AFMID: variants seen among roughly 807,000 people sequenced by gnomAD.
AFMID encodes the protein kynurenine formamidase.
AFMID carries 39 observed loss-of-function variants against 47.5 expected under a neutral mutation model. The ratio of observed to expected loss-of-function variants is 0.82; its 90% CI spans 0.64 to 1.07. The LOEUF is 1.07. Among genes scored for constraint, AFMID ranks in the 50% least tolerant of loss-of-function variants. The probability of loss-of-function intolerance (pLI) is 0.00; values close to 1 mark genes in which losing one functional copy is unlikely to be tolerated. For synonymous variants in AFMID, 130 were observed against 153.2 expected, an observed-to-expected ratio of 0.85 and a Z score of 1.12; for missense variants, 375 against 387.5, an observed-to-expected ratio of 0.97 and a Z score of 0.27.
In AFMID at chr17:78,205,200, G is replaced by A. The variant is rs2076346564; in HGVS notation, c.565+10G>A. The A allele has an allele frequency of 6.2e-7, 1 of 1,607,336 alleles. No homozygotes were observed. The highest frequency in any genetic ancestry group is 8.5e-7 in the Non-Finnish European group (1 of 1,176,748). ...ACGCCCAACCTCAGAGGTTTCCATGGGAGCTACAGCCTGGCTGGGCAACCT... is the reference window on the plus strand; with the variant it reads ...ACGCCCAACCTCAGAGGTTTCCATGAGAGCTACAGCCTGGCTGGGCAACCT... On this transcript the variant is annotated intron_variant, in intron 7 of 10. Coordinates refer to ENST00000409257, the MANE Select transcript of AFMID (RefSeq NM_001010982.5).
chr17:78,196,100 A>G (rs1217183688), intron 2 of AFMID, among the ~76,000 whole-genome samples: 1 of 152,202 alleles, frequency 6.6e-6, no homozygotes, highest in Non-Finnish European at 1.5e-5. Context: ...TCCATGGCTC[A>G]TCCCTGTAAT....
chr17:78,187,565 C>A, intron 1 of AFMID, 132 bp downstream of exon 1: 1 of 862,550 alleles, frequency 1.2e-6, no homozygotes, highest in East Asian at 2.6e-5. Context: ...TAGTGCGTGC[C>A]AGGTCCCCAG....
chr17:78,188,832 C>T (rs2075879451), intron 1 of AFMID, among the ~76,000 whole-genome samples: 1 of 152,142 alleles, frequency 6.6e-6, no homozygotes, highest in Non-Finnish European at 1.5e-5. Flanking sequence ...CTCCTGACCT[C>T]ATGATCCGCC....
chr17:78,199,724 G>T (rs2076201702), intron 2 of AFMID, among the ~76,000 whole-genome samples: 1 of 152,152 alleles, frequency 6.6e-6, no homozygotes. Flanking sequence ...GGGACCAGGG[G>T]GCCTCCAGGG....
At chr17:78,197,333 G>C in intron 2 of AFMID, 1 of 854,874 alleles carries the variant, frequency 1.2e-6, no homozygotes, top group South Asian at 1.7e-5. Flanking sequence ...ACCCCTGAGA[G>C]TGCGTCCTAC....
At chr17:78,196,092 C>T (rs1194702431) in intron 2 of AFMID, among the ~76,000 whole-genome samples, 1 of 152,170 alleles carries the variant, frequency 6.6e-6, no homozygotes, top group Non-Finnish European at 1.5e-5. Context: ...GGCTGGGCTC[C>T]ATGGCTCATC....
At chr17:78,190,934 GA>G (rs1567842232) in intron 1 of AFMID, 35 bp from the exon 2 acceptor site, 1 of 1,598,780 alleles carries the variant, frequency 6.3e-7, no homozygotes, top group South Asian at 1.1e-5. Context: ...TGTTGAGAAG[GA>G]AAGTCTTACG....
intron 2 of AFMID, among the ~76,000 whole-genome samples, chr17:78,191,331 C>T (rs2075963294): frequency 6.6e-6 from 1 of 152,106 alleles, no homozygotes; most frequent in Non-Finnish European, 1.5e-5. Context: ...ATACCCAGGC[C>T]CGTAAGGCTG....
chr17:78,201,738 CT>C (rs768630209), intron 2 of AFMID, among the ~76,000 whole-genome samples: 7 of 149,296 alleles, frequency 4.7e-5, no homozygotes, highest in African/African-American at 7.4e-5. Context: ...GACTGGCAGT[CT>C]TTTTTTTTTG....
chr17:78,202,125 T>C (rs1039912099), intron 2 of AFMID, among the ~76,000 whole-genome samples: 2 of 151,372 alleles, frequency 1.3e-5, no homozygotes, highest in African/African-American at 4.9e-5. Context: ...TGAGCTGAAA[T>C]AGAAATTGCC....
In AFMID at chr17:78,202,807, G is replaced by T; in HGVS notation, c.308+56G>T. 4 of 1,546,572 alleles carry T rather than the reference G, an allele frequency of 2.6e-6. No homozygotes were observed. In the South Asian group the frequency reaches 3.6e-5, roughly 14 times the overall value. On this transcript the variant is annotated intron_variant, in intron 4 of 10. Coordinates refer to ENST00000409257, the MANE Select transcript of AFMID (RefSeq NM_001010982.5). ...AAGAGAGATTCCACTTTCCCTGGGGGACTCCTCCTCCAGGGCTGCCGCAAC... is the reference window on the plus strand; with the variant it reads ...AAGAGAGATTCCACTTTCCCTGGGGTACTCCTCCTCCAGGGCTGCCGCAAC...
intron 2 of AFMID, among the ~76,000 whole-genome samples, chr17:78,194,860 G>A (rs138756078): frequency 0.21 from 31,380 of 151,846 alleles, 3,628 homozygotes; most frequent in Non-Finnish European, 0.26. Flanking sequence ...ACGCCTGGCT[G>A]ATTTTTTATT....
intron 2 of AFMID, 131 bp downstream of exon 2, chr17:78,191,191 C>T (rs1325320501): frequency 1.4e-5 from 10 of 738,672 alleles, no homozygotes; most frequent in South Asian, 3.4e-5. Flanking sequence ...ACACCAGGCA[C>T]TTTATAAACC....
intron 10 of AFMID, among the ~76,000 whole-genome samples, chr17:78,206,544 C>A: frequency 6.6e-6 from 1 of 150,522 alleles, no homozygotes; most frequent in East Asian, 2.0e-4. Flanking sequence ...GTAGCTGGGA[C>A]TACAAAGGCG....
chr17:78,188,967 A>G (rs1422933819), intron 1 of AFMID, among the ~76,000 whole-genome samples: 1 of 151,562 alleles, frequency 6.6e-6, no homozygotes, highest in African/African-American at 2.4e-5. Flanking sequence ...CCTGGCCTCA[A>G]GTGATCCACC....
intron 1 of AFMID, among the ~76,000 whole-genome samples, chr17:78,188,066 C>T (rs1189835343): frequency 3.4e-5 from 5 of 148,432 alleles, no homozygotes; most frequent in African/African-American, 5.0e-5. Context: ...TGGGTCTGTG[C>T]TTATGTGGCA....
At chr17:78,201,015 G>A (rs767263140) in intron 2 of AFMID, among the ~76,000 whole-genome samples, 10 of 151,338 alleles carry the variant, frequency 6.6e-5, no homozygotes, top group Non-Finnish European at 1.5e-4. Flanking sequence ...CCTTTCTTTC[G>A]AGACAGAATC....
rs566552694 is a variant in AFMID, at chr17:78,191,149, G to C, written c.154+89G>C. 52 of 1,148,642 alleles carry C rather than the reference G, an allele frequency of 4.5e-5. No individual in the cohort carries two copies. In the East Asian group the frequency reaches 1.1e-3, roughly 25 times the overall value. The allele number at this position is 1,148,642 out of a possible 1,614,324, so 71.2% of individuals were successfully genotyped here. A position where few individuals can be genotyped will look rare whatever the true frequency, so the allele number is the denominator to read the frequency against. On this transcript the variant is annotated intron_variant, in intron 2 of 10. Transcript: ENST00000409257. Reference sequence around the variant, plus strand: ...TGCTGGGGGTTGGGGGGGCTGTGCTGCACCACCTGGGCCTCGAGGGGCATT... The same window carrying C: ...TGCTGGGGGTTGGGGGGGCTGTGCTCCACCACCTGGGCCTCGAGGGGCATT...
intron 2 of AFMID, 111 bp downstream of exon 2, chr17:78,191,171 C>A: frequency 1.1e-6 from 1 of 914,806 alleles, no homozygotes; most frequent in Non-Finnish European, 1.7e-6. Flanking sequence ...CCTCGAGGGG[C>A]ATTTCCCAAA....
Sources: allele counts gnomAD v4.1 joint callset (sites outside exome capture counted in the v4.1 genomes callset), GRCh38; gene constraint gnomAD v4.1.1; transcripts MANE v1.5; gene names NCBI Gene and HGNC (gene_info 2026-07-23, HGNC 2026-07-21).